RNF150: variants seen among roughly 807,000 people sequenced by gnomAD.
The protein encoded by RNF150 is ring finger protein 150.
RNF150 carries 24 observed loss-of-function variants against 39.3 expected under a neutral mutation model. The ratio of observed to expected loss-of-function variants is 0.61; its 90% confidence interval spans 0.44 to 0.86. The LOEUF (loss-of-function observed/expected upper bound fraction) is 0.86, where lower values mean the gene tolerates loss of function less well. Among genes scored for constraint, RNF150 ranks in the 40% least tolerant of loss-of-function variants. RNF150 has a pLI of 0.00. For missense variants in RNF150, 502 were observed against 587.8 expected (o/e 0.85, Z 1.51); for synonymous variants, 255 against 227.3 (o/e 1.12, Z -1.10).
At chr4:141,098,687 AAAC>A (rs1360264348) in intron 1 of RNF150, among the ~76,000 whole-genome samples, 1 of 152,218 alleles carries the variant, frequency 6.6e-6, no homozygotes, top group East Asian at 1.9e-4. Flanking sequence ...CCAATAATAA[AAAC>A]AACAATAAAT....
chr4:140,994,540 G>A (rs1037349295), intron 1 of RNF150, among the ~76,000 whole-genome samples: 1 of 152,166 alleles, frequency 6.6e-6, no homozygotes, highest in Non-Finnish European at 1.5e-5. Flanking sequence ...AAAGCCAGGG[G>A]CTAATATTGA....
At chr4:141,052,702 G>C (rs1055210147) in intron 1 of RNF150, among the ~76,000 whole-genome samples, 2 of 152,238 alleles carry the variant, frequency 1.3e-5, no homozygotes, top group South Asian at 4.2e-4. Context: ...ATATGAAATA[G>C]TACAAAAAAT....
intron 6 of RNF150, among the ~76,000 whole-genome samples, chr4:140,886,897 C>T (rs1405952879): frequency 1.3e-5 from 2 of 152,198 alleles, no homozygotes; most frequent in African/African-American, 4.8e-5. Flanking sequence ...CTAGCATTTA[C>T]TCCTATGTTT....
intron 1 of RNF150, among the ~76,000 whole-genome samples, chr4:141,160,467 TA>T (rs1181892020): frequency 6.6e-6 from 1 of 152,230 alleles, no homozygotes; most frequent in Non-Finnish European, 1.5e-5. Flanking sequence ...TGTGAAACTT[TA>T]CAGATAATCT....
chr4:141,196,117 CT>C (rs1405974423), intron 1 of RNF150, among the ~76,000 whole-genome samples: 5 of 152,152 alleles, frequency 3.3e-5, no homozygotes, highest in Non-Finnish European at 7.3e-5. Flanking sequence ...TTCCTCTTGT[CT>C]GGTTGGATGG....
chr4:141,154,557 AT>A (rs1167959228), intron 1 of RNF150, among the ~76,000 whole-genome samples: 2 of 152,184 alleles, frequency 1.3e-5, no homozygotes, highest in Non-Finnish European at 1.5e-5. Flanking sequence ...GTGGAGGCCA[AT>A]TTCTCTGCCT....
At chr4:140,890,299 C>T (rs776875324) in intron 6 of RNF150, among the ~76,000 whole-genome samples, 59 of 152,200 alleles carry the variant, frequency 3.9e-4, no homozygotes, top group Non-Finnish European at 6.6e-4. Flanking sequence ...TTGTTAACTG[C>T]TACAAAAAAA....
chr4:141,029,378 T>G (rs1735839644), intron 1 of RNF150, among the ~76,000 whole-genome samples: 1 of 152,210 alleles, frequency 6.6e-6, no homozygotes, highest in Non-Finnish European at 1.5e-5. Flanking sequence ...ACTCAGGATT[T>G]GGCATATGAG....
intron 1 of RNF150, among the ~76,000 whole-genome samples, chr4:141,185,411 A>C (rs1443516951): frequency 2.6e-5 from 4 of 152,002 alleles, no homozygotes; most frequent in Admixed American, 2.6e-4. Flanking sequence ...GTTGCTTATC[A>C]GCTTAAGGAG....
chr4:140,980,852 T>A (rs750273237), intron 1 of RNF150, among the ~76,000 whole-genome samples: 1 of 152,162 alleles, frequency 6.6e-6, no homozygotes, highest in Non-Finnish European at 1.5e-5. Context: ...GAGAACAGAC[T>A]AATACATACC....
At chr4:140,918,755 T>A (rs1431792690) in intron 5 of RNF150, among the ~76,000 whole-genome samples, 2 of 151,962 alleles carry the variant, frequency 1.3e-5, no homozygotes, top group African/African-American at 4.8e-5. Flanking sequence ...TAGACCAATA[T>A]CCTTGACGAA....
intron 1 of RNF150, among the ~76,000 whole-genome samples, chr4:141,006,081 A>G (rs1377760751): frequency 2.0e-5 from 3 of 151,820 alleles, no homozygotes; most frequent in African/African-American, 7.3e-5. Flanking sequence ...AAAAAAAAAA[A>G]AAAGACATAT....
intron 6 of RNF150, among the ~76,000 whole-genome samples, chr4:140,891,429 A>C (rs1007887359): frequency 6.6e-6 from 1 of 152,126 alleles, no homozygotes; most frequent in Non-Finnish European, 1.5e-5. Flanking sequence ...CACCCCAAGG[A>C]CCACTGTGGG....
At chr4:140,878,492 C>T (rs1199756690) in intron 6 of RNF150, among the ~76,000 whole-genome samples, 1 of 152,096 alleles carries the variant, frequency 6.6e-6, no homozygotes, top group Non-Finnish European at 1.5e-5. Flanking sequence ...TTTTGATTCA[C>T]ATTTCCCTGA....
intron 2 of RNF150, among the ~76,000 whole-genome samples, chr4:140,952,839 T>C (rs1560983930): frequency 6.6e-6 from 1 of 152,176 alleles, no homozygotes; most frequent in African/African-American, 2.4e-5. Context: ...TACAGTCACG[T>C]ATGGCTTAAT....
intron 6 of RNF150, among the ~76,000 whole-genome samples, chr4:140,877,864 T>A (rs972081673): frequency 6.6e-6 from 1 of 152,116 alleles, no homozygotes; most frequent in African/African-American, 2.4e-5. Context: ...TTGGGAAGTA[T>A]GGAGGTAAGG....
At chr4:140,974,528 CT>C (rs1227376796) in intron 1 of RNF150, among the ~76,000 whole-genome samples, 2 of 152,156 alleles carry the variant, frequency 1.3e-5, no homozygotes, top group East Asian at 3.9e-4. Flanking sequence ...AGGAGTATAA[CT>C]GCTAGCTTGT....
chr4:141,187,180 A>T (rs1314699516), intron 1 of RNF150, among the ~76,000 whole-genome samples: 1 of 151,954 alleles, frequency 6.6e-6, no homozygotes, highest in Non-Finnish European at 1.5e-5. Context: ...TGAGTGTCTT[A>T]CTCCTGAGTT....
chr4:141,153,613 T>C (rs1368883159), intron 1 of RNF150, among the ~76,000 whole-genome samples: 1 of 152,154 alleles, frequency 6.6e-6, no homozygotes, highest in East Asian at 1.9e-4. Flanking sequence ...AAAGAAATAA[T>C]GGTAAAACAT....
Sources: gnomAD v4.1 joint callset for allele counts (sites outside exome capture counted in the v4.1 genomes callset) on GRCh38, gnomAD v4.1.1 for gene constraint, MANE v1.5 for transcripts, NCBI Gene and HGNC (gene_info 2026-07-23, HGNC 2026-07-21) for gene names.